The following CNTNAP2 variants were observed in gnomAD, a reference collection of about 807,000 sequenced individuals.
CNTNAP2 encodes the protein contactin associated protein 2.
CNTNAP2 carries 98 observed loss-of-function variants against 155.2 expected under a neutral mutation model. The ratio of observed to expected loss-of-function variants is 0.63; its 90% confidence interval spans 0.54 to 0.75. The LOEUF (loss-of-function observed/expected upper bound fraction) is 0.75. Among genes scored for constraint, CNTNAP2 ranks in the 30% least tolerant of loss-of-function variants. CNTNAP2 has a pLI of 0.00. For synonymous variants in CNTNAP2, 651 were observed against 631.2 expected (o/e 1.03, Z -0.47); for missense variants, 1,727 against 1,688.1 (o/e 1.02, Z -0.40).
chr7:146,590,284 A>G (rs1323654010), intron 1 of CNTNAP2, among the ~76,000 whole-genome samples: 1 of 152,124 alleles, frequency 6.6e-6, no homozygotes, highest in Admixed American at 6.6e-5. Context: ...TCAAATATTT[A>G]GTTATCAGGA....
chr7:147,806,828 G>C (rs117802239), intron 13 of CNTNAP2, among the ~76,000 whole-genome samples: 4,949 of 152,192 alleles, frequency 0.033, 135 homozygotes, highest in Non-Finnish European at 0.051. Context: ...GTAGAATGAT[G>C]GTTACCAGAC....
chr7:146,168,427 C>T (rs1379176556), intron 1 of CNTNAP2, among the ~76,000 whole-genome samples: 1 of 152,084 alleles, frequency 6.6e-6, no homozygotes, highest in Non-Finnish European at 1.5e-5. Flanking sequence ...CATACATTCC[C>T]TATCCTACAG....
intron 4 of CNTNAP2, among the ~76,000 whole-genome samples, chr7:147,093,631 C>G (rs1563074400): frequency 6.6e-6 from 1 of 152,066 alleles, no homozygotes; most frequent in Non-Finnish European, 1.5e-5. Context: ...CCCCAAAACC[C>G]CAAAATTCAC....
At chr7:147,729,462 A>G (rs1044858697) in intron 13 of CNTNAP2, among the ~76,000 whole-genome samples, 2 of 151,516 alleles carry the variant, frequency 1.3e-5, no homozygotes, top group East Asian at 1.9e-4. Flanking sequence ...TTGTGAAACT[A>G]CTAGATGGAT....
chr7:146,780,286 T>A (rs1802462445), intron 2 of CNTNAP2, among the ~76,000 whole-genome samples: 1 of 151,978 alleles, frequency 6.6e-6, no homozygotes, highest in African/African-American at 2.4e-5. Flanking sequence ...CCGAGGTTCA[T>A]GCCATTCTCC....
At chr7:147,856,935 A>G (rs1042361675) in intron 13 of CNTNAP2, among the ~76,000 whole-genome samples, 1 of 152,114 alleles carries the variant, frequency 6.6e-6, no homozygotes, top group East Asian at 1.9e-4. Flanking sequence ...GAATCAGTCC[A>G]TTTTTCAGGG....
chr7:147,592,563 A>T (rs1391209332), intron 12 of CNTNAP2, among the ~76,000 whole-genome samples: 1 of 150,862 alleles, frequency 6.6e-6, no homozygotes, highest in African/African-American at 2.4e-5. Context: ...ACTTGATTCT[A>T]TGAAATATCC....
chr7:148,089,495 T>G (rs1321717297), intron 15 of CNTNAP2, among the ~76,000 whole-genome samples: 1 of 151,834 alleles, frequency 6.6e-6, no homozygotes, highest in Non-Finnish European at 1.5e-5. Context: ...CAACAGCATT[T>G]CTATATATTA....
chr7:146,904,586 C>T (rs939536139), intron 3 of CNTNAP2, among the ~76,000 whole-genome samples: 2 of 152,168 alleles, frequency 1.3e-5, no homozygotes, highest in African/African-American at 4.8e-5. Context: ...ATTCTCCTGC[C>T]TCAGCCTCCT....
rs1469345068 is a variant in CNTNAP2, at chr7:148,099,877, T to TG, written c.2384-18241_2384-18240insG. 2.1e-5 allele frequency among the ~76,000 whole-genome samples: 3 copies of TG among 140,346 alleles called. No homozygotes were observed. In the East Asian group the frequency reaches 6.4e-4, roughly 30 times the overall value. The allele number at this position is 140,346 out of a possible 152,430, so 92.1% of individuals were successfully genotyped here. A position where few individuals can be genotyped will look rare whatever the true frequency, so the allele number is the denominator to read the frequency against. ...TCCTTTTTTTTTTTTGGTTTTTTTTTTTTTTTTTTTTTTGAGACGGAGTCT... is the reference window on the plus strand; with the variant it reads ...TCCTTTTTTTTTTTTGGTTTTTTTTTGTTTTTTTTTTTTTGAGACGGAGTCT... On this transcript the variant is annotated intron_variant, in intron 15 of 23. Transcript: ENST00000361727.
chr7:146,516,002 C>A (rs1563115607), intron 1 of CNTNAP2, among the ~76,000 whole-genome samples: 1 of 152,054 alleles, frequency 6.6e-6, no homozygotes, highest in Non-Finnish European at 1.5e-5. Context: ...GCTTGAATCA[C>A]CTTCTACGAT....
rs564610369 is a variant in CNTNAP2 at position 147,376,930 on chromosome 7, A to G, written c.1499-18679A>G. On this transcript the variant is annotated intron_variant, in intron 9 of 23. Transcript: ENST00000361727. Reference sequence around the variant, plus strand: ...CATACTAATTTTCTTTTTCTTAAAAAAGTTGTATTTGCCTTAGTTACCTTT... The same window carrying G: ...CATACTAATTTTCTTTTTCTTAAAAGAGTTGTATTTGCCTTAGTTACCTTT... 2.6e-5 allele frequency among the ~76,000 whole-genome samples: 4 copies of G among 152,028 alleles called. No homozygotes were observed. The East Asian group carries it at 5.8e-4, about 22-fold the overall frequency.
intron 21 of CNTNAP2, among the ~76,000 whole-genome samples, chr7:148,291,951 T>C (rs996559860): frequency 6.6e-6 from 1 of 152,162 alleles, no homozygotes; most frequent in Non-Finnish European, 1.5e-5. Flanking sequence ...TTAATTTCAT[T>C]TCATTCTGTT....
chr7:146,438,319 T>C (rs990341652), intron 1 of CNTNAP2, among the ~76,000 whole-genome samples: 6 of 150,914 alleles, frequency 4.0e-5, no homozygotes, highest in African/African-American at 1.5e-4. Flanking sequence ...TCATATCCCC[T>C]TGATCCAGGG....
At chr7:148,351,729 T>G (rs1798429314) in intron 21 of CNTNAP2, among the ~76,000 whole-genome samples, 1 of 90,744 alleles carries the variant, frequency 1.1e-5, no homozygotes, top group African/African-American at 4.9e-5. Context: ...GGCAACAGAG[T>G]GAGACTCTGT....
At chr7:146,445,130 A>T (rs1230975826) in intron 1 of CNTNAP2, among the ~76,000 whole-genome samples, 3 of 152,192 alleles carry the variant, frequency 2.0e-5, no homozygotes, top group Non-Finnish European at 2.9e-5. Flanking sequence ...ATTTTTATCC[A>T]GGGAGAGAAA....
chr7:146,360,271 G>GT (rs1277885930), intron 1 of CNTNAP2, among the ~76,000 whole-genome samples: 2 of 152,172 alleles, frequency 1.3e-5, no homozygotes, highest in Non-Finnish European at 2.9e-5. Context: ...TTGACTTTCA[G>GT]TGAGTGGGTT....
chr7:147,587,632 A>G (rs781089017), intron 12 of CNTNAP2, among the ~76,000 whole-genome samples: 11 of 152,162 alleles, frequency 7.2e-5, no homozygotes, highest in Non-Finnish European at 1.5e-5. Flanking sequence ...TCCAAAAGCA[A>G]CAGCAAAGAT....
At chr7:147,210,323 G>A (rs1376720881) in intron 8 of CNTNAP2, among the ~76,000 whole-genome samples, 1 of 151,952 alleles carries the variant, frequency 6.6e-6, no homozygotes, top group East Asian at 1.9e-4. Context: ...TCAATCTTGG[G>A]AGATTGTATG....
Sources: allele counts gnomAD v4.1 joint callset (sites outside exome capture counted in the v4.1 genomes callset), GRCh38; gene constraint gnomAD v4.1.1; transcripts MANE v1.5; gene names NCBI Gene and HGNC (gene_info 2026-07-23, HGNC 2026-07-21).